PPM1L: variants seen among roughly 807,000 people sequenced by gnomAD.
PPM1L encodes the protein protein phosphatase, Mg2+/Mn2+ dependent 1L.
PPM1L carries 13 observed loss-of-function variants against 31.4 expected under a neutral mutation model. That is an observed-to-expected ratio of 0.41 (90% CI 0.27 to 0.66). The LOEUF (loss-of-function observed/expected upper bound fraction) is 0.66, where lower values mean the gene tolerates loss of function less well. Among genes scored for constraint, PPM1L ranks in the 30% least tolerant of loss-of-function variants. PPM1L has a pLI of 0.29. For missense variants in PPM1L, 326 were observed against 453.7 expected, an observed-to-expected ratio of 0.72 and a Z score of 2.56; for synonymous variants, 184 against 175.4, an observed-to-expected ratio of 1.05 and a Z score of -0.39.
At chr3:161,050,982 T>C (rs1406176421) in intron 2 of PPM1L, among the ~76,000 whole-genome samples, 1 of 152,198 alleles carries the variant, frequency 6.6e-6, no homozygotes, top group East Asian at 1.9e-4. Context: ...TTTCATTTGG[T>C]TTTATTCTAC....
intron 1 of PPM1L, among the ~76,000 whole-genome samples, chr3:160,854,926 C>CAA (rs1204709467): frequency 8.5e-6 from 1 of 117,616 alleles, no homozygotes; most frequent in African/African-American, 3.1e-5. Context: ...CAATCCTAAG[C>CAA]AAAAAAAAAA....
intron 1 of PPM1L, among the ~76,000 whole-genome samples, chr3:160,780,166 G>A (rs1270149184): frequency 1.3e-5 from 2 of 152,082 alleles, no homozygotes; most frequent in Non-Finnish European, 2.9e-5. Context: ...GGGACCATAG[G>A]CACATGCCAC....
At chr3:160,864,282 A>G (rs1712008484) in intron 1 of PPM1L, among the ~76,000 whole-genome samples, 1 of 152,118 alleles carries the variant, frequency 6.6e-6, no homozygotes, top group Non-Finnish European at 1.5e-5. Flanking sequence ...TCCTGGGCTC[A>G]GGTGATCCCC....
At chr3:160,761,388 C>CTGCAAGAATGTTGTTG (rs996795767) in intron 1 of PPM1L, among the ~76,000 whole-genome samples, 5 of 152,146 alleles carry the variant, frequency 3.3e-5, no homozygotes, top group Non-Finnish European at 7.4e-5. Context: ...TGAGAAATAA[C>CTGCAAGAATGTTGTTG]TGCAAGAATG....
rs539642914 is a variant in PPM1L, at chr3:160,939,358, A to T, written c.400-22378A>T. Among the ~76,000 whole-genome samples, 4 of 152,208 alleles carry T rather than the reference A, an allele frequency of 2.6e-5. No homozygotes were observed. The South Asian group carries it at 8.3e-4, about 32-fold the overall frequency. ...TATATAGAATGTACTCTCCACCTGG[A>T]TTGCTACCCAGCCCATTATTCTGCT... On this transcript the variant is annotated intron_variant, in intron 1 of 3. Coordinates refer to ENST00000498165, the MANE Select transcript of PPM1L (RefSeq NM_139245.4).
rs1006527317 is a variant in PPM1L at position 161,075,231 on chromosome 3, G to A, written c.*6074G>A. 42 of 152,274 alleles carry A rather than the reference G, an allele frequency of 2.8e-4. 1 individual carries two copies. Among genetic ancestry groups the A allele is most frequent in the African/African-American group, 9.4e-4 (39 of 41,562 alleles). The allele number at this position is 152,274 out of a possible 1,614,324, so 9.4% of individuals were successfully genotyped here. ...AATTAGATAATTCACGATGTAAAAC[G>A]TGTTCATGCAGAAGCAAAGGCGGAT... On this transcript the variant is annotated 3_prime_UTR_variant, in exon 4 of 4. Transcript: ENST00000498165.
intron 2 of PPM1L, among the ~76,000 whole-genome samples, chr3:161,044,731 A>C (rs1447036325): frequency 6.6e-6 from 1 of 152,240 alleles, no homozygotes; most frequent in Non-Finnish European, 1.5e-5. Context: ...CAAAATAACC[A>C]GCTAACATCA....
intron 1 of PPM1L, among the ~76,000 whole-genome samples, chr3:160,849,167 G>A (rs370491933): frequency 1.4e-4 from 22 of 152,124 alleles, no homozygotes; most frequent in African/African-American, 4.3e-4. Flanking sequence ...GAAGCACTCT[G>A]TCTTTTTTTC....
At position 160,945,046 on chromosome 3, in the gene PPM1L, A is replaced by ATAAATATATATAACATG; in HGVS notation, c.400-16689_400-16688insAAATATATATAACATGT. On this transcript the variant is annotated intron_variant, in intron 1 of 3. Coordinates refer to ENST00000498165, the MANE Select transcript of PPM1L (RefSeq NM_139245.4). ...ATATATAACTATATATAACATATAT[A>ATAAATATATATAACATG]TTATATATAACTATATATAACATGT... Among the ~76,000 whole-genome samples the ATAAATATATATAACATG allele has an allele frequency of 1.8e-4, 2 of 10,890 alleles. 1 individual carries two copies. The highest frequency in any genetic ancestry group is 4.4e-4 in the African/African-American group (2 of 4,516). 7.1% of individuals were successfully genotyped at this position (10,890 alleles called of 152,430 possible).
At chr3:160,779,284 A>G (rs886085080) in intron 1 of PPM1L, among the ~76,000 whole-genome samples, 2 of 152,336 alleles carry the variant, frequency 1.3e-5, no homozygotes, top group Non-Finnish European at 1.5e-5. Context: ...TCCAGAAGGC[A>G]GAGAAGGGGA....
intron 2 of PPM1L, among the ~76,000 whole-genome samples, chr3:161,014,218 G>A (rs1033299525): frequency 6.6e-6 from 1 of 152,116 alleles, no homozygotes; most frequent in African/African-American, 2.4e-5. Flanking sequence ...GGCAGGCCTG[G>A]TGGTGACTTT....
At chr3:160,848,297 T>A (rs1403987406) in intron 1 of PPM1L, among the ~76,000 whole-genome samples, 1 of 152,194 alleles carries the variant, frequency 6.6e-6, no homozygotes, top group Non-Finnish European at 1.5e-5. Flanking sequence ...TACATCCCAG[T>A]AAGACTTCTA....
rs143175295 is a variant in PPM1L, at chr3:160,812,904, A to C, written c.399+56197A>C. ...GTGAGAAAGTCCTTGCCAACCTTATAATAAAGTAGGTGATGTTTATAATGT... is the reference window on the plus strand; with the variant it reads ...GTGAGAAAGTCCTTGCCAACCTTATCATAAAGTAGGTGATGTTTATAATGT... On this transcript the variant is annotated intron_variant, in intron 1 of 3. Coordinates refer to ENST00000498165, the MANE Select transcript of PPM1L (RefSeq NM_139245.4). Among the ~76,000 whole-genome samples, 89 of 152,336 alleles carry C rather than the reference A, an allele frequency of 5.8e-4. No individual in the cohort carries two copies. The East Asian group carries it at 0.013, about 22-fold the overall frequency.
At chr3:160,869,680 A>G (rs746382331) in intron 1 of PPM1L, among the ~76,000 whole-genome samples, 4 of 152,056 alleles carry the variant, frequency 2.6e-5, no homozygotes, top group Admixed American at 1.3e-4. Flanking sequence ...ATGGAATAGA[A>G]TAACAATCTT....
intron 1 of PPM1L, among the ~76,000 whole-genome samples, chr3:160,757,814 C>G (rs766510538): frequency 1.3e-5 from 2 of 152,184 alleles, no homozygotes; most frequent in Non-Finnish European, 2.9e-5. Context: ...CAAGTTTTCC[C>G]CCAACTTTCT....
intron 2 of PPM1L, among the ~76,000 whole-genome samples, chr3:160,977,937 G>A (rs375925382): frequency 8.5e-5 from 13 of 152,188 alleles, no homozygotes; most frequent in Admixed American, 7.2e-4. Context: ...GACTTCCTGT[G>A]TATGGGACAT....
intron 2 of PPM1L, among the ~76,000 whole-genome samples, chr3:161,018,368 T>C (rs1210532557): frequency 6.6e-6 from 1 of 152,226 alleles, no homozygotes; most frequent in Non-Finnish European, 1.5e-5. Context: ...GTTTATTCAA[T>C]AGTAATAATA....
In PPM1L at chr3:160,756,397, G is replaced by A; in HGVS notation, c.89G>A (p.Cys30Tyr). The A allele has an allele frequency of 6.2e-7, 1 of 1,614,236 alleles. No homozygotes were observed. Among genetic ancestry groups the A allele is most frequent in the Non-Finnish European group, 8.5e-7 (1 of 1,180,044 alleles). ...LLRPETLFLL[C>Y]ISLALWSYFF... ...AGACCCGAGACGCTTTTCCTGCTGT[G>A]CATCAGCTTGGCTCTATGGAGTTAC... The change falls in exon 1 of 4, where the codon TGC becomes TAC. Residue 30 changes from cysteine to tyrosine, a missense_variant. Cys to Tyr is a radical substitution (Grantham distance 194). Around this residue, in one of 3 missense-constraint regions of PPM1L, gnomAD observed 42 missense variants for 76.1 expected, o/e 0.55. Transcript: ENST00000498165. The surrounding 1 kb of genome is among the most constrained non-coding windows in gnomAD (Gnocchi z 6.2).
At position 160,944,888 on chromosome 3, in the gene PPM1L, T is replaced by G. The variant is rs1166794509; in HGVS notation, c.400-16848T>G. Among the ~76,000 whole-genome samples, 13 of 82,312 alleles carry G rather than the reference T, an allele frequency of 1.6e-4. 3 individuals are homozygous for G. The highest frequency in any genetic ancestry group is 6.0e-4 in the African/African-American group (13 of 21,650). 54.0% of individuals were successfully genotyped at this position (82,312 alleles called of 152,430 possible). A position where few individuals can be genotyped will look rare whatever the true frequency, so the allele number is the denominator to read the frequency against. Reference sequence around the variant, plus strand: ...ATAATGTTATATATAACATATATATTATATATAACTGATGTTACATATATA... The same window carrying G: ...ATAATGTTATATATAACATATATATGATATATAACTGATGTTACATATATA... On this transcript the variant is annotated intron_variant, in intron 1 of 3. Coordinates refer to ENST00000498165, the MANE Select transcript of PPM1L (RefSeq NM_139245.4).
Sources: gnomAD v4.1 joint callset for allele counts (sites outside exome capture counted in the v4.1 genomes callset) on GRCh38, gnomAD v4.1.1 for gene constraint, gnomAD v4.1.1 regional missense constraint, Gnocchi (gnomAD v3.1) non-coding constraint, MANE v1.5 for transcripts, NCBI Gene and HGNC (gene_info 2026-07-23, HGNC 2026-07-21) for gene names.